The following BMPR1A variants were observed in gnomAD, a reference collection of about 807,000 sequenced individuals.
BMPR1A encodes bone morphogenetic protein receptor type-1A.
Under a neutral mutation model 66.0 loss-of-function variants are expected in BMPR1A, and 7 were observed. The ratio of observed to expected loss-of-function variants is 0.11; its 90% CI spans 0.06 to 0.20. The LOEUF is 0.20. Among genes scored for constraint, BMPR1A ranks in the 10% least tolerant of loss-of-function variants. BMPR1A has a pLI of 1.00. For synonymous variants in BMPR1A, 200 were observed against 229.7 expected (o/e 0.87, Z 1.17); for missense variants, 408 against 669.1 (o/e 0.61, Z 4.31).
intron 2 of BMPR1A, among the ~76,000 whole-genome samples, chr10:86,850,327 A>G (rs1842550528): frequency 6.6e-6 from 1 of 152,230 alleles, no homozygotes; most frequent in Non-Finnish European, 1.5e-5. Context: ...TTCAAAAAAA[A>G]AAAAACAGTT....
chr10:86,930,152 T>C (rs953607753), downstream of BMPR1A: 3 of 152,308 alleles, frequency 2.0e-5, no homozygotes, highest in Admixed American at 2.0e-4. Flanking sequence ...AGTGCTGGTA[T>C]AAGCAGAAGT....
intron 2 of BMPR1A, among the ~76,000 whole-genome samples, chr10:86,843,126 C>T (rs745881327): frequency 1.3e-5 from 2 of 152,146 alleles, no homozygotes; most frequent in Non-Finnish European, 2.9e-5. Flanking sequence ...TCAACTTACC[C>T]GTTTAAGCAT....
chr10:86,831,214 T>G (rs1197990873), intron 1 of BMPR1A, among the ~76,000 whole-genome samples: 2 of 152,232 alleles, frequency 1.3e-5, no homozygotes, highest in African/African-American at 4.8e-5. Flanking sequence ...GCACCTTCCT[T>G]ATACACGATG....
intron 1 of BMPR1A, among the ~76,000 whole-genome samples, chr10:86,820,369 C>T (rs1463545657): frequency 6.6e-6 from 1 of 151,034 alleles, no homozygotes; most frequent in Non-Finnish European, 1.5e-5. Context: ...TGGAAGATGA[C>T]ATCTTTTTTT....
At position 86,899,878 on chromosome 10, in the gene BMPR1A, C is replaced by A; in HGVS notation, c.418C>A (p.Pro140Thr). The change falls in exon 6 of 13, where the codon CCT (proline) becomes ACT (threonine). Residue 140 changes from proline to threonine, a missense_variant. This residue lies in a region of BMPR1A where 174 missense variants were observed against 265.1 expected (regional missense o/e 0.66). Coordinates refer to ENST00000372037, the MANE Select transcript of BMPR1A (RefSeq NM_004329.3). ...CNQYLQPTLPPVVIGPFFDGS... is the reference protein window; with the variant it reads ...CNQYLQPTLPTVVIGPFFDGS... ...CCAGTATTTGCAACCCACACTGCCC[C>A]CTGTTGTCATAGGTAGGTTAGCCGA... is the stretch of plus-strand genomic sequence containing the variant. The A allele has an allele frequency of 6.2e-7, 1 of 1,614,118 alleles. No homozygotes were observed. The highest frequency in any genetic ancestry group is 8.5e-7 in the Non-Finnish European group (1 of 1,179,934).
chr10:86,860,881 G>A (rs980626683), intron 2 of BMPR1A, among the ~76,000 whole-genome samples: 3 of 130,900 alleles, frequency 2.3e-5, no homozygotes, highest in Non-Finnish European at 3.1e-5. Context: ...TCGCTCTGCC[G>A]CCCAGGCTGG....
At chr10:86,807,560 T>C (rs1841906907) in intron 1 of BMPR1A, among the ~76,000 whole-genome samples, 1 of 152,074 alleles carries the variant, frequency 6.6e-6, no homozygotes, top group Non-Finnish European at 1.5e-5. Flanking sequence ...TTTAAATTTT[T>C]TGTGTAGAGA....
chr10:86,855,515 AT>A, intron 2 of BMPR1A: 2 of 446,612 alleles, frequency 4.5e-6, no homozygotes, highest in Middle Eastern at 4.4e-4. Context: ...AAATAGTACT[AT>A]TTTTTGAAAT....
chr10:86,887,457 A>T (rs939048256), intron 3 of BMPR1A, among the ~76,000 whole-genome samples: 2 of 152,152 alleles, frequency 1.3e-5, no homozygotes, highest in African/African-American at 4.8e-5. Flanking sequence ...TATTAGTAAC[A>T]TCTTCATTTG....
chr10:86,830,561 C>T (rs1842254640), intron 1 of BMPR1A, among the ~76,000 whole-genome samples: 1 of 152,112 alleles, frequency 6.6e-6, no homozygotes, highest in African/African-American at 2.4e-5. Flanking sequence ...GTTTGGTTTG[C>T]GTTTCCCTGA....
At chr10:86,905,193 TC>T (rs1843368494) in intron 7 of BMPR1A, among the ~76,000 whole-genome samples, 1 of 152,200 alleles carries the variant, frequency 6.6e-6, no homozygotes, top group Non-Finnish European at 1.5e-5. Context: ...TGACCCATGA[TC>T]CTCAAAACCT....
At position 86,796,490 on chromosome 10, in the gene BMPR1A, CATTT is replaced by C. The variant is rs138802508; in HGVS notation, c.-268+39608_-268+39611del. Among the ~76,000 whole-genome samples, 1,159 of 148,186 alleles carry C rather than the reference CATTT, an allele frequency of 7.8e-3. 16 individuals are homozygous for C. Among genetic ancestry groups the C allele is most frequent in the African/African-American group, 0.023 (915 of 39,958 alleles). ...GAATTATATCACATAAATTTAGGCA[CATTT>C]ATTTATTTATTTATTTATTTATTTA... On this transcript the variant is annotated intron_variant, in intron 1 of 12. Coordinates refer to ENST00000372037, the MANE Select transcript of BMPR1A (RefSeq NM_004329.3).
intron 1 of BMPR1A, among the ~76,000 whole-genome samples, 158 bp from the exon 2 acceptor site, chr10:86,838,707 G>C (rs1228707355): frequency 6.6e-6 from 1 of 151,994 alleles, no homozygotes; most frequent in African/African-American, 2.4e-5. Context: ...GAGGAAAATG[G>C]TAAAGTGATA....
chr10:86,806,912 C>T (rs576217577), intron 1 of BMPR1A, among the ~76,000 whole-genome samples: 3 of 152,052 alleles, frequency 2.0e-5, no homozygotes, highest in East Asian at 1.9e-4. Context: ...CTCTTCATTC[C>T]GGCTCTCGTG....
At chr10:86,899,321 C>T (rs1399469184) in intron 5 of BMPR1A, among the ~76,000 whole-genome samples, 8 of 152,242 alleles carry the variant, frequency 5.3e-5, no homozygotes, top group Admixed American at 5.2e-4. Flanking sequence ...TTGTCCTTCC[C>T]TCACCATGGA....
At chr10:86,901,121 G>A (rs1051858457) in intron 7 of BMPR1A, among the ~76,000 whole-genome samples, 2 of 152,240 alleles carry the variant, frequency 1.3e-5, no homozygotes, top group Non-Finnish European at 2.9e-5. Flanking sequence ...GCCCACACAG[G>A]GAGGAACTGA....
chr10:86,763,979 G>A (rs190550180), intron 1 of BMPR1A, among the ~76,000 whole-genome samples: 66 of 152,126 alleles, frequency 4.3e-4, no homozygotes, highest in Admixed American at 1.5e-3. Context: ...TTTTAGTAGA[G>A]ACAGGGTTTC....
intron 5 of BMPR1A, among the ~76,000 whole-genome samples, chr10:86,897,155 C>G (rs1448170109): frequency 1.3e-5 from 2 of 152,236 alleles, no homozygotes; most frequent in Admixed American, 6.5e-5. Flanking sequence ...TCCTCATATA[C>G]TGTCTCCAGC....
chr10:86,894,287 G>A (rs1337583614), intron 5 of BMPR1A, among the ~76,000 whole-genome samples: 11 of 152,188 alleles, frequency 7.2e-5, no homozygotes, highest in Admixed American at 5.9e-4. Context: ...CTCTTCATTG[G>A]TGCTGTTGGT....
Sources: allele counts gnomAD v4.1 joint callset (sites outside exome capture counted in the v4.1 genomes callset), GRCh38; gene constraint gnomAD v4.1.1; regional missense constraint gnomAD v4.1.1; transcripts MANE v1.5; gene names NCBI Gene and HGNC (gene_info 2026-07-23, HGNC 2026-07-21).